Variants in RALYL observed in about 807,000 individuals in gnomAD.
RALYL encodes the protein RALY RNA binding protein like.
In RALYL, 29 loss-of-function variants were observed where a neutral mutation model predicts 35.1. That is an observed-to-expected ratio of 0.83 (90% confidence interval 0.61 to 1.13). The LOEUF (loss-of-function observed/expected upper bound fraction) is 1.13. RALYL is among the 50% of genes most tolerant of loss of function. The probability of loss-of-function intolerance (pLI) is 0.00; values close to 1 mark genes in which losing one functional copy is unlikely to be tolerated. For missense variants in RALYL, 359 were observed against 360.4 expected (o/e 1.00, Z 0.03); for synonymous variants, 120 against 127.6 (o/e 0.94, Z 0.40).
chr8:84,342,635 C>T (rs1849079074), intron 1 of RALYL, among the ~76,000 whole-genome samples: 1 of 151,904 alleles, frequency 6.6e-6, no homozygotes, highest in Admixed American at 6.6e-5. Context: ...ATGCCAATTA[C>T]TCCTAGATGT....
chr8:84,250,973 C>T (rs1419930253), intron 1 of RALYL, among the ~76,000 whole-genome samples: 1 of 152,106 alleles, frequency 6.6e-6, no homozygotes, highest in Non-Finnish European at 1.5e-5. Flanking sequence ...CCTTCTTGCA[C>T]AGTTATTTGT....
At chr8:84,724,101 CT>C (rs1844503175) in intron 2 of RALYL, among the ~76,000 whole-genome samples, 1 of 151,670 alleles carries the variant, frequency 6.6e-6, no homozygotes, top group African/African-American at 2.4e-5. Context: ...TTTAAAACTT[CT>C]GCTTATATTC....
chr8:84,380,455 G>A (rs1174599757), intron 1 of RALYL, among the ~76,000 whole-genome samples: 2 of 151,850 alleles, frequency 1.3e-5, no homozygotes, highest in Non-Finnish European at 2.9e-5. Flanking sequence ...TTATGGAGAG[G>A]ATACTGTTTC....
At chr8:84,304,211 G>A (rs969925347) in intron 1 of RALYL, among the ~76,000 whole-genome samples, 1 of 151,970 alleles carries the variant, frequency 6.6e-6, no homozygotes, top group Non-Finnish European at 1.5e-5. Flanking sequence ...TCCACCTCCC[G>A]GGTTCACGCC....
At chr8:84,328,572 TGCCTCCCA>T (rs1192752305) in intron 1 of RALYL, among the ~76,000 whole-genome samples, 3 of 152,222 alleles carry the variant, frequency 2.0e-5, no homozygotes, top group Non-Finnish European at 4.4e-5. Context: ...CACTTTTGTT[TGCCTCCCA>T]GCTTATTATA....
chr8:84,722,795 C>CAT (rs1002685560), intron 2 of RALYL, among the ~76,000 whole-genome samples: 32 of 147,942 alleles, frequency 2.2e-4, no homozygotes, highest in South Asian at 4.3e-4. Context: ...TAGATATATA[C>CAT]ATATATATAT....
intron 2 of RALYL, among the ~76,000 whole-genome samples, chr8:84,603,596 G>A (rs1816461583): frequency 6.6e-6 from 1 of 152,102 alleles, no homozygotes; most frequent in Non-Finnish European, 1.5e-5. Flanking sequence ...TAGACAAGAG[G>A]CAGGAGAAGT....
chr8:84,775,626 G>T (rs1816661434), intron 3 of RALYL, among the ~76,000 whole-genome samples: 1 of 152,114 alleles, frequency 6.6e-6, no homozygotes, highest in Admixed American at 6.5e-5. Context: ...TAACACTCTG[G>T]TCTTTCCCCT....
At chr8:84,409,171 G>A (rs1019025575) in intron 1 of RALYL, among the ~76,000 whole-genome samples, 1 of 151,576 alleles carries the variant, frequency 6.6e-6, no homozygotes, top group Admixed American at 6.6e-5. Context: ...ATATTTTAAC[G>A]TTTGAAAGTA....
At chr8:84,783,223 C>G (rs980042972) in intron 3 of RALYL, among the ~76,000 whole-genome samples, 1 of 152,146 alleles carries the variant, frequency 6.6e-6, no homozygotes, top group Non-Finnish European at 1.5e-5. Flanking sequence ...CAGTGTTACT[C>G]TCTCATCATA....
At chr8:84,867,100 G>C (rs892811536) in intron 6 of RALYL, among the ~76,000 whole-genome samples, 2 of 152,158 alleles carry the variant, frequency 1.3e-5, no homozygotes, top group Admixed American at 1.3e-4. Context: ...GTAAGGATCT[G>C]TGTCAGTCCT....
intron 1 of RALYL, among the ~76,000 whole-genome samples, chr8:84,298,611 T>A (rs906841592): frequency 3.9e-5 from 6 of 152,078 alleles, no homozygotes; most frequent in Non-Finnish European, 2.9e-5. Flanking sequence ...GGTGGGTTTG[T>A]TAGGAATAGC....
intron 3 of RALYL, among the ~76,000 whole-genome samples, chr8:84,784,082 G>GA (rs1818819642): frequency 6.6e-6 from 1 of 152,168 alleles, no homozygotes. Flanking sequence ...AAGATTGATG[G>GA]AAAGTTCCTC....
intron 2 of RALYL, among the ~76,000 whole-genome samples, chr8:84,615,570 C>CTTTTTTTTTTTTTTTTTT (rs60428128): frequency 3.2e-3 from 216 of 67,376 alleles, no homozygotes; most frequent in Non-Finnish European, 3.8e-3. Context: ...GAACTTTCGT[C>CTTTTTTTTTTTTTTTTTT]TTTTTTTTTT....
intron 2 of RALYL, among the ~76,000 whole-genome samples, chr8:84,649,057 C>T (rs1441107414): frequency 6.6e-6 from 1 of 151,966 alleles, no homozygotes; most frequent in Non-Finnish European, 1.5e-5. Context: ...AGACCTCCCT[C>T]CCTTTGTGTT....
Position 84,653,076 on chromosome 8 carries a change from C to T in RALYL, c.257-121503C>T, listed in dbSNP as rs140399988. On this transcript the variant is annotated intron_variant, in intron 2 of 8. Coordinates refer to ENST00000521268, the MANE Select transcript of RALYL (RefSeq NM_173848.7). ...TCCAATGCTAAAAACAACAAACAAA[C>T]GAATGGGTTATGAAACTTGAGAGTG... is the stretch of plus-strand genomic sequence containing the variant. Among the ~76,000 whole-genome samples, 612 of 152,072 alleles carry T rather than the reference C, an allele frequency of 4.0e-3. 7 individuals are homozygous for T. Among genetic ancestry groups the T allele is most frequent in the African/African-American group, 0.013 (554 of 41,512 alleles).
intron 1 of RALYL, among the ~76,000 whole-genome samples, chr8:84,201,525 A>G (rs576736846): frequency 6.6e-6 from 1 of 151,254 alleles, no homozygotes; most frequent in Non-Finnish European, 1.5e-5. Context: ...TTAGTTATTT[A>G]GTTGCCTAAT....
chr8:84,392,445 A>C (rs1011994000), intron 1 of RALYL, among the ~76,000 whole-genome samples: 1 of 152,198 alleles, frequency 6.6e-6, no homozygotes, highest in Non-Finnish European at 1.5e-5. Flanking sequence ...AAAACAAAAA[A>C]AAAAATTGAA....
rs576348835 is a variant in RALYL, at chr8:84,218,982, G to A, written c.-24+34558G>A. On this transcript the variant is annotated intron_variant, in intron 1 of 8. Coordinates refer to ENST00000521268, the MANE Select transcript of RALYL (RefSeq NM_173848.7). ...TCCCACATCTGAATCATGTTTCAGA[G>A]ACATTTTCAAGTTATCCTAAAAGCT... Among the ~76,000 whole-genome samples the A allele has an allele frequency of 1.1e-4, 17 of 152,108 alleles. No homozygotes were observed. In the South Asian group the frequency reaches 3.5e-3, roughly 32 times the overall value.
Sources: allele counts gnomAD v4.1 joint callset (sites outside exome capture counted in the v4.1 genomes callset), GRCh38; gene constraint gnomAD v4.1.1; transcripts MANE v1.5; gene names NCBI Gene and HGNC (gene_info 2026-07-23, HGNC 2026-07-21).